Variants in C8orf34 observed in about 807,000 individuals in gnomAD.
The protein encoded by C8orf34 is uncharacterized protein C8orf34.
Under a neutral mutation model 68.3 loss-of-function variants are expected in C8orf34, and 65 were observed. The ratio of observed to expected loss-of-function variants is 0.95; its 90% CI spans 0.78 to 1.17. The LOEUF is 1.17. Ranked by LOEUF, C8orf34 falls within the 50% of genes most tolerant of loss-of-function variation. The pLI is 0.00. For missense variants in C8orf34, 664 were observed against 655.4 expected (o/e 1.01, Z -0.14); for synonymous variants, 244 against 241.2 (o/e 1.01, Z -0.11).
chr8:68,410,119 AAATAT>A (rs753480392), intron 1 of C8orf34, among the ~76,000 whole-genome samples: 138 of 152,270 alleles, frequency 9.1e-4, no homozygotes, highest in Admixed American at 1.8e-3. Flanking sequence ...GACTGCATAG[AAATAT>A]AATATAAGGT....
chr8:68,337,169 T>G (rs1488403121), intron 1 of C8orf34, among the ~76,000 whole-genome samples: 2 of 152,176 alleles, frequency 1.3e-5, no homozygotes, highest in African/African-American at 4.8e-5. Flanking sequence ...TTACATAATC[T>G]CTAAGTATCT....
At chr8:68,684,033 C>T (rs1820443695) in intron 8 of C8orf34, among the ~76,000 whole-genome samples, 1 of 152,202 alleles carries the variant, frequency 6.6e-6, no homozygotes, top group African/African-American at 2.4e-5. Context: ...TTATGTGTAA[C>T]ATCCAAAGGA....
chr8:68,622,717 G>A lies in C8orf34; in HGVS notation c.1106-17659G>A, dbSNP rs551956325. On this transcript the variant is annotated intron_variant, in intron 7 of 13. Transcript: ENST00000518698. ...TCAATTGTAGTTCAAAAGGACTGGA[G>A]ATGAAACTGAAGTTAGGAAAGTTGA... 3.9e-5 allele frequency among the ~76,000 whole-genome samples: 6 copies of A among 152,292 alleles called. No homozygotes were observed. In the South Asian group the frequency reaches 8.3e-4, roughly 21 times the overall value.
At chr8:68,649,345 T>C (rs574088074) in intron 8 of C8orf34, among the ~76,000 whole-genome samples, 2 of 152,342 alleles carry the variant, frequency 1.3e-5, no homozygotes, top group African/African-American at 4.8e-5. Flanking sequence ...CTCTGATTTC[T>C]AGGAACTTAC....
intron 7 of C8orf34, among the ~76,000 whole-genome samples, chr8:68,585,293 C>CCAAAAA (rs1817176421): frequency 6.6e-6 from 1 of 150,586 alleles, no homozygotes; most frequent in African/African-American, 2.5e-5. Flanking sequence ...TAAAACAAAA[C>CCAAAAA]CAAAAACCAA....
In C8orf34 at chr8:68,345,759, T is replaced by A. The variant is rs568082031; in HGVS notation, c.327+14420T>A. ...TACATATAAGTGGGTATATATATATTTTTTGTGTATTATATATATGTGTGT... is the reference window on the plus strand; with the variant it reads ...TACATATAAGTGGGTATATATATATATTTTGTGTATTATATATATGTGTGT... On this transcript the variant is annotated intron_variant, in intron 1 of 13. Transcript: ENST00000518698. Among the ~76,000 whole-genome samples the A allele has an allele frequency of 2.8e-4, 42 of 152,000 alleles. No homozygotes were observed. The South Asian group carries it at 7.9e-3, about 29-fold the overall frequency.
chr8:68,608,472 G>A lies in C8orf34; in HGVS notation c.1106-31904G>A, dbSNP rs75233279. Among the ~76,000 whole-genome samples, 367 of 151,896 alleles carry A rather than the reference G, an allele frequency of 2.4e-3. 1 individual carries two copies. Among genetic ancestry groups the A allele is most frequent in the Non-Finnish European group, 4.5e-3 (309 of 67,964 alleles). On this transcript the variant is annotated intron_variant, in intron 7 of 13. Transcript: ENST00000518698. ...TGCAGATGATGAGAGGATGGAGAGA[G>A]AATTCTTAAGTGGAGGGAACAGTGT...
chr8:68,505,558 C>T (rs1275791273), intron 5 of C8orf34, among the ~76,000 whole-genome samples: 2 of 113,698 alleles, frequency 1.8e-5, no homozygotes, highest in Non-Finnish European at 3.3e-5. Flanking sequence ...GGTGAAACCC[C>T]GTCTCTACCA....
chr8:68,775,228 T>C (rs572813160), intron 10 of C8orf34, among the ~76,000 whole-genome samples: 2 of 152,222 alleles, frequency 1.3e-5, no homozygotes, highest in Admixed American at 1.3e-4. Context: ...TGAGATAATA[T>C]ATGTGTTGGT....
intron 10 of C8orf34, among the ~76,000 whole-genome samples, chr8:68,759,640 G>C (rs1052277822): frequency 1.3e-5 from 2 of 152,176 alleles, no homozygotes; most frequent in Non-Finnish European, 2.9e-5. Context: ...GTGTTTGTTT[G>C]AATATTAGTC....
At chr8:68,551,719 C>T (rs1166182755) in intron 7 of C8orf34, among the ~76,000 whole-genome samples, 1 of 152,018 alleles carries the variant, frequency 6.6e-6, no homozygotes, top group Non-Finnish European at 1.5e-5. Context: ...ATGATTGCAT[C>T]TCTGTCTTTT....
intron 3 of C8orf34, among the ~76,000 whole-genome samples, chr8:68,461,578 C>T (rs1811828793): frequency 6.6e-6 from 1 of 152,214 alleles, no homozygotes; most frequent in Non-Finnish European, 1.5e-5. Flanking sequence ...GCCCATCAGA[C>T]TAAGAGCGGA....
intron 12 of C8orf34, among the ~76,000 whole-genome samples, chr8:68,811,434 G>T (rs1237234743): frequency 6.6e-6 from 1 of 152,158 alleles, no homozygotes; most frequent in Non-Finnish European, 1.5e-5. Flanking sequence ...CCCTTTGGGC[G>T]GGGCTCCCAC....
intron 7 of C8orf34, among the ~76,000 whole-genome samples, chr8:68,597,649 C>A (rs919155061): frequency 6.6e-6 from 1 of 151,606 alleles, no homozygotes; most frequent in African/African-American, 2.4e-5. Context: ...ATTATTTTGG[C>A]GACCAAGGAA....
At chr8:68,742,020 T>A (rs763571543) in intron 10 of C8orf34, among the ~76,000 whole-genome samples, 8 of 152,234 alleles carry the variant, frequency 5.3e-5, no homozygotes, top group Non-Finnish European at 7.3e-5. Flanking sequence ...CACCCAATAC[T>A]TCATGCCTGT....
At chr8:68,482,553 G>T (rs575125128) in intron 4 of C8orf34, among the ~76,000 whole-genome samples, 1 of 152,224 alleles carries the variant, frequency 6.6e-6, no homozygotes, top group South Asian at 2.1e-4. Context: ...AAGATTACAG[G>T]TATGAGCCAC....
At chr8:68,463,617 G>C (rs1259046045) in intron 3 of C8orf34, among the ~76,000 whole-genome samples, 1 of 152,068 alleles carries the variant, frequency 6.6e-6, no homozygotes, top group Non-Finnish European at 1.5e-5. Context: ...TTCATCCCTG[G>C]GATGCAAGGC....
Position 68,330,967 on chromosome 8 carries a change from G to GGA in C8orf34, c.-46_-45insGA. The GGA allele has an allele frequency of 3.8e-6, 5 of 1,324,564 alleles. No individual in the cohort carries two copies. The highest frequency in any genetic ancestry group is 4.9e-6 in the Non-Finnish European group (5 of 1,028,534). 82.1% of individuals were successfully genotyped at this position (1,324,564 alleles called of 1,614,324 possible). A position where few individuals can be genotyped will look rare whatever the true frequency, so the allele number is the denominator to read the frequency against. On this transcript the variant is annotated 5_prime_UTR_variant, in exon 1 of 14. Transcript: ENST00000518698. ...CTCGAATTTCCCCACTGCGCCGGGC[G>GGA]CTGCGGAGAGCGGCGAGGGTGGGCG...
At chr8:68,365,041 C>A (rs1355752228) in intron 1 of C8orf34, among the ~76,000 whole-genome samples, 1 of 150,870 alleles carries the variant, frequency 6.6e-6, no homozygotes, top group Non-Finnish European at 1.5e-5. Context: ...CAAATAGACA[C>A]AATAAAAAAT....
Sources: gnomAD v4.1 joint callset for allele counts (sites outside exome capture counted in the v4.1 genomes callset) on GRCh38, gnomAD v4.1.1 for gene constraint, MANE v1.5 for transcripts, NCBI Gene and HGNC (gene_info 2026-07-23, HGNC 2026-07-21) for gene names.